MRPL42: variants seen among roughly 807,000 people sequenced by gnomAD.
The protein encoded by MRPL42 is mitochondrial ribosomal protein L42.
In MRPL42, 17 loss-of-function variants were observed where a neutral mutation model predicts 17.9. The ratio of observed to expected loss-of-function variants is 0.95; its 90% CI spans 0.65 to 1.42. MRPL42 has a LOEUF of 1.42. Among genes scored for constraint, MRPL42 ranks in the 40% most tolerant of loss-of-function variants. The pLI, the probability that MRPL42 is intolerant of heterozygous loss-of-function variation, is 0.00. For missense variants in MRPL42, 177 were observed against 175.2 expected (o/e 1.01, Z -0.06); for synonymous variants, 59 against 54.4 (o/e 1.08, Z -0.37).
At chr12:93,469,997 G>A (rs543108852) in intron 2 of MRPL42, among the ~76,000 whole-genome samples, 2 of 150,368 alleles carry the variant, frequency 1.3e-5, no homozygotes, top group African/African-American at 2.4e-5. Flanking sequence ...TTTTTTTAAC[G>A]GAGTCTGGCT....
intron 2 of MRPL42, among the ~76,000 whole-genome samples, chr12:93,474,547 G>C (rs1880068922): frequency 6.6e-6 from 1 of 152,024 alleles, no homozygotes; most frequent in Non-Finnish European, 1.5e-5. Flanking sequence ...TGATCCTTCA[G>C]CTTCAGCCAC....
At chr12:93,489,834 C>A (rs1254558956) in intron 5 of MRPL42, among the ~76,000 whole-genome samples, 2 of 152,324 alleles carry the variant, frequency 1.3e-5, no homozygotes, top group African/African-American at 4.8e-5. Flanking sequence ...CTGCTCCCGG[C>A]CTTCCTTCTT....
rs959623624 is a variant in MRPL42, at chr12:93,510,966, C to A, written c.*9745C>A. 1 of 152,116 alleles carries A rather than the reference C, an allele frequency of 6.6e-6. No individual in the cohort carries two copies. The highest frequency in any genetic ancestry group is 1.5e-5 in the Non-Finnish European group (1 of 68,026). The allele number at this position is 152,116 out of a possible 1,614,324, so 9.4% of individuals were successfully genotyped here. On this transcript the variant is annotated 3_prime_UTR_variant, in exon 6 of 6. Coordinates refer to ENST00000549982, the MANE Select transcript of MRPL42 (RefSeq NM_014050.4). Reference sequence around the variant, plus strand: ...TAATTTGTTTCATTTATCTTTAACACCATGTTATGGATGGCAAAATAACTT... The same window carrying A: ...TAATTTGTTTCATTTATCTTTAACAACATGTTATGGATGGCAAAATAACTT...
rs532641099 is a variant in MRPL42 at position 93,513,062 on chromosome 12, T to C, written c.*11841T>C. ...TCTGGTTTCATCTTATGAATAATAT[T>C]TTTTAAAAACCATGGAAACAGTTTA... On this transcript the variant is annotated 3_prime_UTR_variant, in exon 6 of 6. Transcript: ENST00000549982. 6.6e-6 allele frequency: 1 copy of C among 152,318 alleles called. No individual in the cohort carries two copies. Among genetic ancestry groups the C allele is most frequent in the South Asian group, 2.1e-4 (1 of 4,824 alleles). 9.4% of individuals were successfully genotyped at this position (152,318 alleles called of 1,614,324 possible).
At position 93,482,419 on chromosome 12, in the gene MRPL42, G is replaced by A. The variant is rs192199693; in HGVS notation, c.219+2947G>A. Among the ~76,000 whole-genome samples the A allele has an allele frequency of 4.6e-5, 7 of 152,220 alleles. No homozygotes were observed. The East Asian group carries it at 1.3e-3, about 29-fold the overall frequency. On this transcript the variant is annotated intron_variant, in intron 4 of 5. Transcript: ENST00000549982. ...AAGCTTGATGAGGACAGGGCCTTGT[G>A]TGTTTTTTTCCCCTGCTTGGTCTTC...
chr12:93,480,449 AT>A (rs1422487896), intron 4 of MRPL42, among the ~76,000 whole-genome samples: 3 of 151,042 alleles, frequency 2.0e-5, no homozygotes, highest in African/African-American at 7.3e-5. Flanking sequence ...AGAAAATTAG[AT>A]GGTTTAAGTC....
At chr12:93,476,872 A>C in intron 2 of MRPL42, 82 bp from the exon 3 acceptor site, 1 of 1,287,212 alleles carries the variant, frequency 7.8e-7, no homozygotes, top group Non-Finnish European at 1.1e-6. Flanking sequence ...ATGTTGGTTG[A>C]ATGAGTAAAA....
rs1039222661 is a variant in MRPL42, at chr12:93,494,716, G to A, written c.384-6460G>A. ...ACACAGATGGTATTTAATGCCATGG[G>A]ACTGGACGAGATTCCTGTCCTAGAG... On this transcript the variant is annotated intron_variant, in intron 5 of 5. Transcript: ENST00000549982. 3.9e-5 allele frequency among the ~76,000 whole-genome samples: 6 copies of A among 152,178 alleles called. No individual in the cohort carries two copies. The East Asian group carries it at 5.8e-4, about 15-fold the overall frequency.
intron 2 of MRPL42, among the ~76,000 whole-genome samples, chr12:93,474,268 T>A (rs7958701): frequency 0.52 from 78,316 of 151,724 alleles, 20,283 homozygotes; most frequent in Non-Finnish European, 0.53. Flanking sequence ...ACAAAATTGT[T>A]TTTTTTTAAT....
rs765251218 is a variant in MRPL42 at position 93,469,342 on chromosome 12, A to G, written c.57A>G (p.Leu19=). 16 of 1,608,410 alleles carry G rather than the reference A, an allele frequency of 9.9e-6. No homozygotes were observed. The African/African-American group carries it at 1.7e-4, about 18-fold the overall frequency. The change falls in exon 2 of 6, where the codon TTA becomes TTG. Residue 19 remains leucine (L), a synonymous_variant. Transcript: ENST00000549982. ...CAAAGAGAACTATCTTGAAACATTTATTTCCAGTCCAAAGTAAGTGAAATT... is the reference window on the plus strand; with the variant it reads ...CAAAGAGAACTATCTTGAAACATTTGTTTCCAGTCCAAAGTAAGTGAAATT... ...VMSKRTILKH[L]FPVQNGALYC... is the part of the protein sequence containing the mutation.
chr12:93,485,029 A>AC (rs1880672359), intron 4 of MRPL42, among the ~76,000 whole-genome samples: 5 of 26,324 alleles, frequency 1.9e-4, no homozygotes, highest in Non-Finnish European at 4.2e-4. Flanking sequence ...TATATATATA[A>AC]ACAGAGATGG....
At chr12:93,489,422 G>A (rs1467237907) in intron 5 of MRPL42, among the ~76,000 whole-genome samples, 1 of 151,974 alleles carries the variant, frequency 6.6e-6, no homozygotes, top group Non-Finnish European at 1.5e-5. Context: ...TGATTTTTTT[G>A]TATCATTTTC....
intron 2 of MRPL42, among the ~76,000 whole-genome samples, chr12:93,473,768 A>G (rs1184360803): frequency 6.8e-6 from 1 of 148,124 alleles, no homozygotes; most frequent in African/African-American, 2.5e-5. Context: ...GAGTTTTGCC[A>G]TGTTGCCCAG....
chr12:93,478,934 A>ATTTATTTTTTT (rs1490803743), intron 3 of MRPL42, among the ~76,000 whole-genome samples: 10 of 84,368 alleles, frequency 1.2e-4, no homozygotes, highest in Non-Finnish European at 3.3e-4. Context: ...TTATTTATTT[A>ATTTATTTTTTT]TTTATTTATT....
chr12:93,496,820 G>C (rs528161493), intron 5 of MRPL42, among the ~76,000 whole-genome samples: 1 of 151,740 alleles, frequency 6.6e-6, no homozygotes, highest in South Asian at 2.1e-4. Flanking sequence ...GGGGGGTTTG[G>C]GGGCGGGTGG....
intron 5 of MRPL42, among the ~76,000 whole-genome samples, chr12:93,490,819 A>G (rs1418090602): frequency 6.6e-6 from 1 of 152,236 alleles, no homozygotes; most frequent in Admixed American, 6.5e-5. Flanking sequence ...TATGAATTTA[A>G]TAACTGGGGG....
At chr12:93,477,403 TA>T (rs1183752170) in intron 3 of MRPL42, among the ~76,000 whole-genome samples, 3 of 152,248 alleles carry the variant, frequency 2.0e-5, no homozygotes, top group African/African-American at 7.2e-5. Flanking sequence ...TATACATACT[TA>T]ATTTAGCCAC....
intron 5 of MRPL42, among the ~76,000 whole-genome samples, chr12:93,492,294 A>G (rs1953430149): frequency 6.6e-6 from 1 of 152,046 alleles, no homozygotes; most frequent in South Asian, 2.1e-4. Flanking sequence ...ATTTTTATCT[A>G]TTTTTAATAA....
chr12:93,484,971 C>CATATATAT lies in MRPL42; in HGVS notation c.220-2525_220-2524insTATATATA. Among the ~76,000 whole-genome samples, 7 of 33,592 alleles carry CATATATAT rather than the reference C, an allele frequency of 2.1e-4. 1 individual carries two copies. Among genetic ancestry groups the CATATATAT allele is most frequent in the African/African-American group, 5.0e-4 (5 of 10,034 alleles). 22.0% of individuals were successfully genotyped at this position (33,592 alleles called of 152,430 possible). A position where few individuals can be genotyped will look rare whatever the true frequency, so the allele number is the denominator to read the frequency against. On this transcript the variant is annotated intron_variant, in intron 4 of 5. Transcript: ENST00000549982. ...CATTGCTTTTTAAAAAACACACACA[C>CATATATAT]ACACACACATATATATATATATATA...
Sources: gnomAD v4.1 joint callset for allele counts (sites outside exome capture counted in the v4.1 genomes callset) on GRCh38, gnomAD v4.1.1 for gene constraint, MANE v1.5 for transcripts, NCBI Gene and HGNC (gene_info 2026-07-23, HGNC 2026-07-21) for gene names.